The following DTL variants were observed in gnomAD, a reference collection of about 807,000 sequenced individuals.
DTL encodes the protein denticleless protein homolog.
Under a neutral mutation model 87.0 loss-of-function variants are expected in DTL, and 46 were observed. That is an observed-to-expected ratio of 0.53 (90% CI 0.42 to 0.68). The LOEUF is 0.68. Ranked by LOEUF, DTL falls within the 30% of genes least tolerant of loss-of-function variation. The pLI is 0.00. For missense variants in DTL, 737 were observed against 869.4 expected, an observed-to-expected ratio of 0.85 and a Z score of 1.91; for synonymous variants, 308 against 311.2, an observed-to-expected ratio of 0.99 and a Z score of 0.11.
chr1:212,038,924 T>C lies in DTL; in HGVS notation c.52+2982T>C, dbSNP rs1558068297. Among the ~76,000 whole-genome samples, 4 of 152,344 alleles carry C rather than the reference T, an allele frequency of 2.6e-5. No homozygotes were observed. In the South Asian group the frequency reaches 8.3e-4, roughly 32 times the overall value. On this transcript the variant is annotated intron_variant, in intron 1 of 14. Coordinates refer to ENST00000366991, the MANE Select transcript of DTL (RefSeq NM_016448.4). ...TAATTTAAATACTATAGTGATTTGATAATCACATCATCCATTTTTTAGAAA... is the reference window on the plus strand; with the variant it reads ...TAATTTAAATACTATAGTGATTTGACAATCACATCATCCATTTTTTAGAAA...
chr1:212,051,831 C>T (rs1667994423), intron 5 of DTL: 3 of 781,912 alleles, frequency 3.8e-6, no homozygotes, highest in Non-Finnish European at 6.7e-6. Context: ...TCCAGTTTTG[C>T]CATGGTAACA....
chr1:212,090,475 C>A (rs928235715), intron 13 of DTL, among the ~76,000 whole-genome samples: 2 of 13,508 alleles, frequency 1.5e-4, no homozygotes, highest in Non-Finnish European at 4.0e-4. Context: ...GGCTTTGTGA[C>A]TGAGAATAAA....
intron 1 of DTL, among the ~76,000 whole-genome samples, chr1:212,042,534 A>G (rs532391864): frequency 6.6e-6 from 1 of 152,248 alleles, no homozygotes; most frequent in Non-Finnish European, 1.5e-5. Flanking sequence ...AATTTGGTGA[A>G]TATGTTACTG....
intron 5 of DTL, among the ~76,000 whole-genome samples, chr1:212,049,652 T>G (rs1486026105): frequency 6.6e-6 from 1 of 152,190 alleles, no homozygotes; most frequent in Non-Finnish European, 1.5e-5. Flanking sequence ...GTGGTTTGTT[T>G]TGTTAAAACA....
chr1:212,090,800 A>C (rs1655258129), intron 13 of DTL, among the ~76,000 whole-genome samples: 2 of 152,230 alleles, frequency 1.3e-5, no homozygotes, highest in Admixed American at 1.3e-4. Context: ...CTTAACAAAT[A>C]ATTGATTGAA....
chr1:212,049,624 A>T (rs1467915915), intron 5 of DTL, among the ~76,000 whole-genome samples: 1 of 152,090 alleles, frequency 6.6e-6, no homozygotes. Context: ...GTCTGATCGG[A>T]TACTGCTCCC....
intron 5 of DTL, among the ~76,000 whole-genome samples, chr1:212,059,365 A>G (rs1341917789): frequency 6.6e-6 from 1 of 152,198 alleles, no homozygotes; most frequent in Admixed American, 6.5e-5. Flanking sequence ...ATAGCTCAAT[A>G]TAGACAAATC....
chr1:212,085,032 A>G (rs1164198579), intron 13 of DTL, among the ~76,000 whole-genome samples: 1 of 152,240 alleles, frequency 6.6e-6, no homozygotes, highest in African/African-American at 2.4e-5. Context: ...TGGTATATTA[A>G]TAGTTGTTGT....
intron 3 of DTL, 147 bp from the exon 4 acceptor site, chr1:212,047,004 T>A (rs1004552408): frequency 2.3e-5 from 16 of 685,910 alleles, no homozygotes; most frequent in South Asian, 1.7e-4. Context: ...TGAAATGATA[T>A]CTCATTGTGG....
rs1223078240 is a variant in DTL, at chr1:212,096,244, T to C, written c.1262-4008T>C. Among the ~76,000 whole-genome samples, 3 of 152,362 alleles carry C rather than the reference T, an allele frequency of 2.0e-5. No homozygotes were observed. In the East Asian group the frequency reaches 5.8e-4, roughly 29 times the overall value. Reference sequence around the variant, plus strand: ...CCTGTTTCATTTCTAATTGAACTTATTTGGATCTTCTCTCTTCTTTTCTTG... The same window carrying C: ...CCTGTTTCATTTCTAATTGAACTTACTTGGATCTTCTCTCTTCTTTTCTTG... On this transcript the variant is annotated intron_variant, in intron 13 of 14. Transcript: ENST00000366991.
At chr1:212,041,287 A>G (rs1031329630) in intron 1 of DTL, among the ~76,000 whole-genome samples, 1 of 152,102 alleles carries the variant, frequency 6.6e-6, no homozygotes, top group Non-Finnish European at 1.5e-5. Context: ...TTAAAGAGTC[A>G]TTGTTTAATT....
chr1:212,038,213 C>A (rs957023050), intron 1 of DTL, among the ~76,000 whole-genome samples: 2 of 152,242 alleles, frequency 1.3e-5, no homozygotes, highest in East Asian at 3.8e-4. Context: ...AAACTCCACA[C>A]GGCCAATGGC....
At chr1:212,090,930 A>G (rs1045017166) in intron 13 of DTL, among the ~76,000 whole-genome samples, 1 of 152,238 alleles carries the variant, frequency 6.6e-6, no homozygotes, top group Admixed American at 6.5e-5. Context: ...AGATCTGTGC[A>G]TTCCTGTTTG....
At chr1:212,095,798 G>A (rs1655429024) in intron 13 of DTL, among the ~76,000 whole-genome samples, 1 of 152,044 alleles carries the variant, frequency 6.6e-6, no homozygotes, top group Non-Finnish European at 1.5e-5. Flanking sequence ...GAGGATTTTT[G>A]CATCTATGTT....
chr1:212,087,700 G>A (rs1433183677), intron 13 of DTL, among the ~76,000 whole-genome samples: 1 of 152,164 alleles, frequency 6.6e-6, no homozygotes, highest in Admixed American at 6.5e-5. Flanking sequence ...TTCAAAGGCT[G>A]GCACACTGAC....
intron 1 of DTL, among the ~76,000 whole-genome samples, chr1:212,036,898 G>C (rs1254184351): frequency 1.3e-5 from 2 of 152,180 alleles, no homozygotes; most frequent in African/African-American, 2.4e-5. Flanking sequence ...TATATTCAGC[G>C]ATGAGTCTAG....
At chr1:212,076,329 CT>C (rs1485796020) in intron 11 of DTL, among the ~76,000 whole-genome samples, 3 of 152,140 alleles carry the variant, frequency 2.0e-5, no homozygotes, top group Non-Finnish European at 2.9e-5. Flanking sequence ...CTGGCTTAGA[CT>C]TTTACTGTCG....
intron 10 of DTL, among the ~76,000 whole-genome samples, chr1:212,070,831 A>G (rs1654649504): frequency 6.6e-6 from 1 of 152,176 alleles, no homozygotes. Flanking sequence ...AAGCCAACAT[A>G]CATTTTAGGA....
chr1:212,065,127 T>C (rs1654452237), intron 7 of DTL, 98 bp downstream of exon 7: 1 of 867,810 alleles, frequency 1.2e-6, no homozygotes. Flanking sequence ...TTCATGATTC[T>C]CATTTGATAT....
Sources: gnomAD v4.1 joint callset for allele counts (sites outside exome capture counted in the v4.1 genomes callset) on GRCh38, gnomAD v4.1.1 for gene constraint, MANE v1.5 for transcripts, NCBI Gene and HGNC (gene_info 2026-07-23, HGNC 2026-07-21) for gene names.